Variants in PTPRD observed in about 807,000 individuals in gnomAD.
The protein encoded by PTPRD is protein tyrosine phosphatase receptor type D, also known as receptor-type tyrosine-protein phosphatase delta.
A neutral mutation model predicts 214.5 loss-of-function variants in PTPRD; 34 were observed. The ratio of observed to expected loss-of-function variants is 0.16; its 90% CI spans 0.12 to 0.21. The LOEUF (loss-of-function observed/expected upper bound fraction) is 0.21, where lower values mean the gene tolerates loss of function less well. Ranked by LOEUF, PTPRD falls within the 10% of genes least tolerant of loss-of-function variation. The pLI, the probability that PTPRD is intolerant of heterozygous loss-of-function variation, is 1.00. For missense variants in PTPRD, 2,545 were observed against 2,398.7 expected, an observed-to-expected ratio of 1.06 and a Z score of -1.27; for synonymous variants, 1,128 against 845.7, an observed-to-expected ratio of 1.33 and a Z score of -5.79.
intron 3 of PTPRD, among the ~76,000 whole-genome samples, chr9:10,189,440 G>A (rs2099352848): frequency 6.6e-6 from 1 of 152,118 alleles, no homozygotes; most frequent in African/African-American, 2.4e-5. Context: ...CACCACTAAA[G>A]GCCCAACCTT....
chr9:10,462,734 TAAA>T (rs58409105), intron 2 of PTPRD, among the ~76,000 whole-genome samples: 1 of 142,198 alleles, frequency 7.0e-6, no homozygotes, highest in African/African-American at 2.5e-5. Flanking sequence ...AGGATATAAG[TAAA>T]AAAAAAAAAT....
At chr9:8,392,617 A>G (rs2089970490) in intron 36 of PTPRD, among the ~76,000 whole-genome samples, 1 of 152,210 alleles carries the variant, frequency 6.6e-6, no homozygotes, top group African/African-American at 2.4e-5. Context: ...CCAATGCTTT[A>G]TGTCCTGAAA....
intron 11 of PTPRD, among the ~76,000 whole-genome samples, chr9:8,960,126 G>A (rs2099151224): frequency 1.3e-5 from 2 of 152,032 alleles, no homozygotes; most frequent in Admixed American, 1.3e-4. Context: ...CCTGGGACAA[G>A]TCACATAACT....
At chr9:10,208,393 A>G (rs181761501) in intron 3 of PTPRD, among the ~76,000 whole-genome samples, 8 of 152,274 alleles carry the variant, frequency 5.3e-5, no homozygotes, top group East Asian at 1.9e-4. Context: ...GGGCGCCTGT[A>G]GTCCCAGCTA....
chr9:8,668,747 G>A (rs1050012793), intron 12 of PTPRD, among the ~76,000 whole-genome samples: 19 of 152,092 alleles, frequency 1.2e-4, no homozygotes, highest in Non-Finnish European at 2.1e-4. Context: ...ATTAAAACTC[G>A]AATCTTTACT....
In PTPRD at chr9:10,587,813, G is replaced by A. The variant is rs988713056; in HGVS notation, c.-600+24585C>T. On this transcript the variant is annotated intron_variant, in intron 2 of 45. Coordinates refer to ENST00000381196, the MANE Select transcript of PTPRD (RefSeq NM_002839.4). Reference sequence around the variant, plus strand: ...CTTTAGTCTAGTGAAGGGACCCATAGAGCTCAGGAGTAGGTATAAGGGCTG... The same window carrying A: ...CTTTAGTCTAGTGAAGGGACCCATAAAGCTCAGGAGTAGGTATAAGGGCTG... 9.7e-4 allele frequency among the ~76,000 whole-genome samples: 147 copies of A among 152,120 alleles called. 1 individual carries two copies. The highest frequency in any genetic ancestry group is 1.7e-3 in the Non-Finnish European group (113 of 67,952).
At chr9:10,424,625 T>C (rs2098595298) in intron 2 of PTPRD, among the ~76,000 whole-genome samples, 1 of 151,864 alleles carries the variant, frequency 6.6e-6, no homozygotes, top group Non-Finnish European at 1.5e-5. Context: ...AGGAAAACCA[T>C]GACAGGGATG....
chr9:10,023,745 A>C (rs1376582259), intron 4 of PTPRD, among the ~76,000 whole-genome samples: 1 of 151,708 alleles, frequency 6.6e-6, no homozygotes, highest in African/African-American at 2.4e-5. Context: ...CAAATGCTAC[A>C]GAAGTGTTAA....
chr9:9,503,140 G>C (rs913252752), intron 8 of PTPRD, among the ~76,000 whole-genome samples: 16 of 151,680 alleles, frequency 1.1e-4, no homozygotes, highest in African/African-American at 3.1e-4. Flanking sequence ...GTTGGTAGTT[G>C]TTTTAAATGT....
chr9:10,388,544 C>G (rs2097975643), intron 2 of PTPRD, among the ~76,000 whole-genome samples: 1 of 149,338 alleles, frequency 6.7e-6, no homozygotes, highest in African/African-American at 2.5e-5. Context: ...CTAATAAACA[C>G]ATGCATTTTG....
chr9:10,073,729 T>C (rs189526317), intron 3 of PTPRD, among the ~76,000 whole-genome samples: 1 of 152,122 alleles, frequency 6.6e-6, no homozygotes, highest in Admixed American at 6.5e-5. Flanking sequence ...CGTTGACATG[T>C]GCCAATAGTT....
chr9:8,368,209 C>T (rs1021336510), intron 39 of PTPRD, among the ~76,000 whole-genome samples: 8 of 152,122 alleles, frequency 5.3e-5, no homozygotes, highest in East Asian at 1.9e-4. Context: ...CTTCTGATTC[C>T]GCTTACTAGT....
At chr9:10,502,088 G>C (rs1405815522) in intron 2 of PTPRD, among the ~76,000 whole-genome samples, 1 of 151,702 alleles carries the variant, frequency 6.6e-6, no homozygotes. Context: ...TTGTGAAAGA[G>C]GTCCCAAGCA....
At chr9:8,718,976 A>G (rs12341297) in intron 12 of PTPRD, among the ~76,000 whole-genome samples, 2,918 of 152,340 alleles carry the variant, frequency 0.019, 98 homozygotes, top group African/African-American at 0.065. Flanking sequence ...AGAAGCATCT[A>G]TAATGTGATC....
At chr9:8,466,415 C>G (rs1285629020) in intron 31 of PTPRD, among the ~76,000 whole-genome samples, 1 of 151,876 alleles carries the variant, frequency 6.6e-6, no homozygotes, top group African/African-American at 2.4e-5. Context: ...GAAGAAAACA[C>G]ACATGCACAT....
At chr9:9,128,052 A>G (rs897568680) in intron 10 of PTPRD, among the ~76,000 whole-genome samples, 3 of 152,104 alleles carry the variant, frequency 2.0e-5, no homozygotes, top group Non-Finnish European at 4.4e-5. Flanking sequence ...CCAATACTGT[A>G]CTTTTTTAAA....
At chr9:8,404,172 G>C (rs369554034) in intron 36 of PTPRD, among the ~76,000 whole-genome samples, 2 of 151,958 alleles carry the variant, frequency 1.3e-5, no homozygotes, top group Non-Finnish European at 2.9e-5. Flanking sequence ...GCCCAGGCTG[G>C]GGCTGGAGTA....
At chr9:9,973,309 A>C (rs2095218289) in intron 4 of PTPRD, among the ~76,000 whole-genome samples, 1 of 151,340 alleles carries the variant, frequency 6.6e-6, no homozygotes, top group Admixed American at 6.6e-5. Flanking sequence ...TTCAAAAAAA[A>C]AAAAAAAAAA....
intron 7 of PTPRD, among the ~76,000 whole-genome samples, chr9:9,674,398 A>C (rs2096890094): frequency 6.6e-6 from 1 of 151,784 alleles, no homozygotes; most frequent in Non-Finnish European, 1.5e-5. Context: ...GAACAACAAC[A>C]TTAAATTGAA....
Sources: gnomAD v4.1 joint callset for allele counts (sites outside exome capture counted in the v4.1 genomes callset) on GRCh38, gnomAD v4.1.1 for gene constraint, MANE v1.5 for transcripts, NCBI Gene and HGNC (gene_info 2026-07-23, HGNC 2026-07-21) for gene names.